The following TMPRSS11A variants were observed in gnomAD, a reference collection of about 807,000 sequenced individuals.
TMPRSS11A encodes transmembrane protease serine 11A.
A neutral mutation model predicts 58.9 loss-of-function variants in TMPRSS11A; 53 were observed. The ratio of observed to expected loss-of-function variants is 0.90; its 90% CI spans 0.72 to 1.13. The LOEUF is 1.13. Among genes scored for constraint, TMPRSS11A ranks in the 50% most tolerant of loss-of-function variants. TMPRSS11A has a pLI of 0.00. For missense variants in TMPRSS11A, 493 were observed against 499.3 expected, an observed-to-expected ratio of 0.99 and a Z score of 0.12; for synonymous variants, 167 against 169.8, an observed-to-expected ratio of 0.98 and a Z score of 0.13.
intron 1 of TMPRSS11A, among the ~76,000 whole-genome samples, chr4:67,959,250 A>C (rs778541289): frequency 7.2e-5 from 11 of 152,212 alleles, no homozygotes; most frequent in Non-Finnish European, 1.5e-4. Flanking sequence ...TATTTTACTC[A>C]AATTATAGAA....
chr4:67,953,836 C>G (rs1023544207), intron 1 of TMPRSS11A, among the ~76,000 whole-genome samples: 2 of 151,974 alleles, frequency 1.3e-5, no homozygotes, highest in Non-Finnish European at 2.9e-5. Flanking sequence ...TTCTGTTCCA[C>G]AGAACAGTTT....
chr4:67,914,182 A>C (rs527586038), intron 9 of TMPRSS11A, among the ~76,000 whole-genome samples: 45 of 152,252 alleles, frequency 3.0e-4, no homozygotes, highest in Non-Finnish European at 6.3e-4. Flanking sequence ...TTTATTCTTC[A>C]GGCCTTATTT....
At chr4:67,916,288 A>G (rs975381265) in intron 8 of TMPRSS11A, among the ~76,000 whole-genome samples, 2 of 152,196 alleles carry the variant, frequency 1.3e-5, no homozygotes, top group African/African-American at 2.4e-5. Flanking sequence ...AAAACTAAGT[A>G]CATTTGAAAA....
At chr4:67,938,741 G>T (rs1720810067) in intron 3 of TMPRSS11A, among the ~76,000 whole-genome samples, 1 of 152,034 alleles carries the variant, frequency 6.6e-6, no homozygotes, top group African/African-American at 2.4e-5. Context: ...TTATTTCTGG[G>T]TTCTCTATTC....
intron 5 of TMPRSS11A, among the ~76,000 whole-genome samples, chr4:67,929,334 A>C (rs1720551392): frequency 6.6e-6 from 1 of 152,218 alleles, no homozygotes. Flanking sequence ...GAAAAGTGGA[A>C]CAATGTACAC....
intron 3 of TMPRSS11A, among the ~76,000 whole-genome samples, chr4:67,943,804 A>G (rs966405419): frequency 6.6e-6 from 1 of 152,198 alleles, no homozygotes; most frequent in African/African-American, 2.4e-5. Context: ...TTTGGGAAAG[A>G]AAGTGTCTTA....
At chr4:67,944,350 C>T (rs1307357234) in intron 3 of TMPRSS11A, among the ~76,000 whole-genome samples, 169 bp downstream of exon 3, 1 of 152,104 alleles carries the variant, frequency 6.6e-6, no homozygotes, top group Non-Finnish European at 1.5e-5. Flanking sequence ...TCCCCACCTA[C>T]CCATCTCATC....
rs781773450 is a variant in TMPRSS11A, at chr4:67,942,115, G to A, written c.252+2404C>T. ...AAGTCCAAAAAGTTAATAATTATACGTAACAATGCACAAACTCATTAGTAA... is the reference window on the plus strand; with the variant it reads ...AAGTCCAAAAAGTTAATAATTATACATAACAATGCACAAACTCATTAGTAA... On this transcript the variant is annotated intron_variant, in intron 3 of 9. Coordinates refer to ENST00000508048, the MANE Select transcript of TMPRSS11A (RefSeq NM_001114387.2). 1.4e-4 allele frequency among the ~76,000 whole-genome samples: 21 copies of A among 152,254 alleles called. 1 individual carries two copies. The East Asian group carries it at 2.5e-3, about 18-fold the overall frequency.
chr4:67,948,779 A>G (rs182696843), intron 1 of TMPRSS11A, among the ~76,000 whole-genome samples: 402 of 152,324 alleles, frequency 2.6e-3, no homozygotes, highest in Non-Finnish European at 4.1e-3. Flanking sequence ...TACATTTATA[A>G]GTGAAGGAGA....
chr4:67,930,189 T>C, intron 4 of TMPRSS11A, 149 bp from the exon 5 acceptor site: 1 of 549,204 alleles, frequency 1.8e-6, no homozygotes, highest in East Asian at 2.9e-5. Flanking sequence ...CCAAGGTCAT[T>C]TCATATGTTC....
At chr4:67,951,855 C>G (rs549130050) in intron 1 of TMPRSS11A, among the ~76,000 whole-genome samples, 1 of 152,266 alleles carries the variant, frequency 6.6e-6, no homozygotes, top group South Asian at 2.1e-4. Context: ...AGCTTTGCTT[C>G]CCTTTTCCTA....
At position 67,924,168 on chromosome 4, in the gene TMPRSS11A, T is replaced by C; in HGVS notation, c.482-2A>G. 1 of 1,613,030 alleles carries C rather than the reference T, an allele frequency of 6.2e-7. No homozygotes were observed. Among genetic ancestry groups the C allele is most frequent in the Non-Finnish European group, 8.5e-7 (1 of 1,179,212 alleles). On this transcript the variant is annotated splice_acceptor_variant, in intron 5 of 9. Coordinates refer to ENST00000508048, the MANE Select transcript of TMPRSS11A (RefSeq NM_001114387.2). LOFTEE classifies it high-confidence loss of function. Reference sequence around the variant, plus strand: ...ACTCCCCTGTTGATGAGCTCATTGCTGAAAAAGAAGATAAAACAAATAGTG... The same window carrying C: ...ACTCCCCTGTTGATGAGCTCATTGCCGAAAAAGAAGATAAAACAAATAGTG...
Position 67,918,969 on chromosome 4 carries a change from C to A in TMPRSS11A, c.952+4G>T. The A allele has an allele frequency of 3.1e-6, 5 of 1,613,930 alleles. No individual in the cohort carries two copies. The highest frequency in any genetic ancestry group is 4.2e-6 in the Non-Finnish European group (5 of 1,179,904). ...CGCTCTGTTAGCTATCCTGAGATAC[C>A]CACCACCATAGTAAAGTGCTCCAAA... is the stretch of plus-strand genomic sequence containing the variant. On this transcript the variant is annotated splice_donor_region_variant and intron_variant, in intron 8 of 9. Coordinates refer to ENST00000508048, the MANE Select transcript of TMPRSS11A (RefSeq NM_001114387.2).
intron 1 of TMPRSS11A, among the ~76,000 whole-genome samples, chr4:67,958,448 T>C (rs1411273129): frequency 1.3e-5 from 2 of 152,250 alleles, no homozygotes; most frequent in Non-Finnish European, 2.9e-5. Context: ...TTTGGAGCTT[T>C]AAGATTTGAC....
rs1719975528 is a variant in TMPRSS11A at position 67,911,381 on chromosome 4, A to C, written c.1218T>G (p.Thr406=). 1.2e-6 allele frequency: 2 copies of C among 1,613,424 alleles called. No individual in the cohort carries two copies. Among genetic ancestry groups the C allele is most frequent in the Non-Finnish European group, 1.7e-6 (2 of 1,179,558 alleles). The change falls in exon 10 of 10, where the codon ACT becomes ACG. Residue 406 remains threonine (T), a synonymous_variant. Coordinates refer to ENST00000508048, the MANE Select transcript of TMPRSS11A (RefSeq NM_001114387.2). ...TTGAAGCAATCCAGTTTCGGTAATA[A>C]GTCACTTGTGTGTAGACTCCAGGCT... The part of the protein sequence containing the change: ...KDKPGVYTQV[T]YYRNWIASKT...
chr4:67,940,931 C>T (rs921473682), intron 3 of TMPRSS11A, among the ~76,000 whole-genome samples: 1 of 152,190 alleles, frequency 6.6e-6, no homozygotes, highest in African/African-American at 2.4e-5. Context: ...ATCCTTCCCT[C>T]CCTCAAAGTG....
intron 5 of TMPRSS11A, among the ~76,000 whole-genome samples, chr4:67,926,074 A>G (rs1720458797): frequency 6.6e-6 from 1 of 152,228 alleles, no homozygotes; most frequent in Admixed American, 6.5e-5. Flanking sequence ...TCAGGGCTCT[A>G]TAGACTACAA....
intron 2 of TMPRSS11A, among the ~76,000 whole-genome samples, chr4:67,945,818 T>C (rs1369586419): frequency 3.3e-5 from 5 of 152,198 alleles, no homozygotes; most frequent in Admixed American, 1.3e-4. Context: ...AGAGACTGAA[T>C]GTAAAAAGAG....
At chr4:67,922,962 A>T (rs1344107941) in intron 6 of TMPRSS11A, 36 bp from the exon 7 acceptor site, 1 of 1,601,314 alleles carries the variant, frequency 6.2e-7, no homozygotes, top group Non-Finnish European at 8.6e-7. Flanking sequence ...TATAAGAAAC[A>T]TCTTGTAATT....
Sources: allele counts gnomAD v4.1 joint callset (sites outside exome capture counted in the v4.1 genomes callset), GRCh38; gene constraint gnomAD v4.1.1; transcripts MANE v1.5; gene names NCBI Gene and HGNC (gene_info 2026-07-23, HGNC 2026-07-21).